The following MTR variants were observed in gnomAD, a reference collection of about 807,000 sequenced individuals.
MTR encodes 5-methyltetrahydrofolate-homocysteine methyltransferase, also known as methionine synthase.
Under a neutral mutation model 154.8 loss-of-function variants are expected in MTR, and 84 were observed. That is an observed-to-expected ratio of 0.54 (90% confidence interval 0.45 to 0.65). The LOEUF is 0.65. Among genes scored for constraint, MTR ranks in the 30% least tolerant of loss-of-function variants. The pLI, the probability that MTR is intolerant of heterozygous loss-of-function variation, is 0.00. For missense variants in MTR, 1,275 were observed against 1,570.2 expected (o/e 0.81, Z 3.18); for synonymous variants, 554 against 553.9 (o/e 1.00, Z 0.00).
At chr1:236,881,205 A>G (rs1665714565) in intron 25 of MTR, among the ~76,000 whole-genome samples, 1 of 152,184 alleles carries the variant, frequency 6.6e-6, no homozygotes, top group Admixed American at 6.5e-5. Context: ...AGATAGAAAA[A>G]CAAACTCAAA....
At chr1:236,799,514 T>C (rs955565555) in intron 1 of MTR, among the ~76,000 whole-genome samples, 6 of 152,208 alleles carry the variant, frequency 3.9e-5, no homozygotes, top group African/African-American at 1.4e-4. Context: ...CCTTTTTATC[T>C]GTATTTTCTA....
rs766303456 is a variant in MTR at position 236,803,445 on chromosome 1, C to T, written c.52C>T (p.Leu18=). ...CTTTAAAGAAGGTCTGAAGAAAACCCTGCGGGATGAGATCAATGCCATTCT... is the reference window on the plus strand; with the variant it reads ...CTTTAAAGAAGGTCTGAAGAAAACCTTGCGGGATGAGATCAATGCCATTCT... The part of the protein sequence containing the change: ...LSQPEGLKKT[L]RDEINAILQK... Residue 18 remains leucine, a synonymous_variant, in exon 2 of 33, where the codon CTG becomes TTG. Coordinates refer to ENST00000366577, the MANE Select transcript of MTR (RefSeq NM_000254.3). The T allele has an allele frequency of 6.2e-7, 1 of 1,614,114 alleles. No individual in the cohort carries two copies. The highest frequency in any genetic ancestry group is 8.5e-7 in the Non-Finnish European group (1 of 1,180,000).
At chr1:236,879,928 T>C (rs1242931295) in intron 24 of MTR, among the ~76,000 whole-genome samples, 1 of 151,506 alleles carries the variant, frequency 6.6e-6, no homozygotes, top group East Asian at 1.9e-4. Context: ...CCGAGGCAGG[T>C]GGATCACTAG....
intron 30 of MTR, chr1:236,895,140 C>T (rs1666550691): frequency 1.1e-5 from 7 of 610,300 alleles, no homozygotes; most frequent in Non-Finnish European, 2.1e-5. Context: ...TATGGTCCTT[C>T]AGAGCTCAGG....
rs1051381556 is a variant in MTR at position 236,820,186 on chromosome 1, A to T, written c.764+3643A>T. The T allele has an allele frequency of 1.0e-5, 8 of 762,036 alleles. 1 individual carries two copies. Among genetic ancestry groups the T allele is most frequent in the African/African-American group, 8.4e-5 (5 of 59,180 alleles). The allele number at this position is 762,036 out of a possible 1,614,324, so 47.2% of individuals were successfully genotyped here. On this transcript the variant is annotated intron_variant, in intron 8 of 32. Transcript: ENST00000366577. ...GATGCTGGCCTGAGAAGTTCTGCAC[A>T]TGCGTGGCACCATTTCCTGTGAACA...
At chr1:236,863,419 C>A in intron 21 of MTR, 35 bp from the exon 22 acceptor site, 1 of 1,580,538 alleles carries the variant, frequency 6.3e-7, no homozygotes. Context: ...CCCTAAACAA[C>A]CCTGCCTTGC....
At chr1:236,885,078 T>C in intron 25 of MTR, 43 bp from the exon 26 acceptor site, 1 of 1,271,504 alleles carries the variant, frequency 7.9e-7, no homozygotes, top group Non-Finnish European at 1.2e-6. Flanking sequence ...ACTACACCAG[T>C]TTTATCATCT....
At chr1:236,806,256 T>C in intron 3 of MTR, 23 bp downstream of exon 3, 1 of 1,584,248 alleles carries the variant, frequency 6.3e-7, no homozygotes. Flanking sequence ...TTGTTCCATG[T>C]GTCTAAGATG....
intron 8 of MTR, chr1:236,819,994 G>C (rs1474791483): frequency 8.9e-7 from 1 of 1,123,018 alleles, no homozygotes; most frequent in East Asian, 2.3e-5. Flanking sequence ...CGGGAGCCAT[G>C]GCTTCTTGTG....
At chr1:236,812,620 A>C (rs1661369446) in intron 5 of MTR, 118 bp from the exon 6 acceptor site, 2 of 818,926 alleles carry the variant, frequency 2.4e-6, no homozygotes, top group Non-Finnish European at 4.3e-6. Flanking sequence ...TCATGTTCTT[A>C]AACTATGCAT....
intron 22 of MTR, among the ~76,000 whole-genome samples, chr1:236,865,857 A>G (rs970575303): frequency 1.4e-5 from 2 of 147,006 alleles, no homozygotes; most frequent in South Asian, 2.2e-4. Flanking sequence ...CTTCCTTTTC[A>G]TGGTTTTGAT....
Position 236,899,934 on chromosome 1 carries a change from G to C in MTR, c.*2290G>C, listed in dbSNP as rs141401414. On this transcript the variant is annotated 3_prime_UTR_variant, in exon 33 of 33. Transcript: ENST00000366577. ...GCAAAGGTTGGGTCTGACAGTACCA[G>C]TTGTTAGATCTGTAGGGACTTGTAC... 2 of 165,250 alleles carry C rather than the reference G, an allele frequency of 1.2e-5. No homozygotes were observed. Among genetic ancestry groups the C allele is most frequent in the East Asian group, 3.6e-4 (2 of 5,598 alleles). The allele number at this position is 165,250 out of a possible 1,614,324, so 10.2% of individuals were successfully genotyped here. A position where few individuals can be genotyped will look rare whatever the true frequency, so the allele number is the denominator to read the frequency against.
In MTR at chr1:236,795,593, C is replaced by T. The variant is rs113809927; in HGVS notation, c.-111C>T. ...ACGGGAGGCGTCAAAAGACCCGGGCCTTGTGTGGCAGGCTCGCCTGGCGCT... is the reference window on the plus strand; with the variant it reads ...ACGGGAGGCGTCAAAAGACCCGGGCTTTGTGTGGCAGGCTCGCCTGGCGCT... On this transcript the variant is annotated 5_prime_UTR_variant, in exon 1 of 33. Transcript: ENST00000366577. The T allele has an allele frequency of 1.4e-3, 2,289 of 1,596,028 alleles. 32 individuals carry two copies. In the African/African-American group the frequency reaches 0.027, roughly 19 times the overall value.
At chr1:236,882,859 C>T (rs538567837) in intron 25 of MTR, among the ~76,000 whole-genome samples, 15 of 152,324 alleles carry the variant, frequency 9.8e-5, no homozygotes, top group African/African-American at 3.4e-4. Flanking sequence ...ATTGCTAAAA[C>T]ATAAGTCAGA....
At chr1:236,821,066 A>G (rs997179765) in intron 8 of MTR, among the ~76,000 whole-genome samples, 12 of 152,252 alleles carry the variant, frequency 7.9e-5, no homozygotes, top group South Asian at 6.2e-4. Context: ...TTCTATCGCT[A>G]TAACAGAATA....
chr1:236,824,199 T>G lies in MTR; in HGVS notation c.845T>G (p.Val282Gly). 1 of 1,613,806 alleles carries G rather than the reference T, an allele frequency of 6.2e-7. No individual in the cohort carries two copies. Among genetic ancestry groups the G allele is most frequent in the East Asian group, 2.2e-5 (1 of 44,882 alleles). Residue 282 changes from valine to glycine, a missense_variant, in exon 9 of 33, where the codon GTC (valine) becomes GGC (glycine). By Grantham distance (109) the Val-to-Gly change is moderately radical (BLOSUM62 -3). Transcript: ENST00000366577. ...EIIGKCTTAY[V>G]LCYPNAGLPN... The stretch of plus-strand genomic sequence containing the variant: ...ATTGGAAAATGTACAACAGCCTATG[T>G]CCTCTGTTATCCCAATGCAGGTGTG...
At chr1:236,812,350 C>A (rs539951420) in intron 5 of MTR, among the ~76,000 whole-genome samples, 24 of 152,390 alleles carry the variant, frequency 1.6e-4, no homozygotes, top group African/African-American at 5.5e-4. Flanking sequence ...CAACCTGTGA[C>A]CTCTCTGCAT....
Position 236,803,565 on chromosome 1 carries a change from G to T in MTR, c.172G>T (p.Asp58Tyr). 1 of 1,614,174 alleles carries T rather than the reference G, an allele frequency of 6.2e-7. No homozygotes were observed. The highest frequency in any genetic ancestry group is 1.1e-5 in the South Asian group (1 of 91,080). Residue 58 changes from aspartate to tyrosine, a missense_variant, in exon 2 of 33, where the codon GAT (aspartate) becomes TAT (tyrosine). By Grantham distance (160) the Asp-to-Tyr change is radical. Transcript: ENST00000366577. ...EEHFRGQEFKDHARPLKGNND... is the reference protein window; with the variant it reads ...EEHFRGQEFKYHARPLKGNND... Reference sequence around the variant, plus strand: ...ACACTTCCGAGGTCAGGAATTTAAAGATCATGCCAGGCCGCTGAAAGGCAA... The same window carrying T: ...ACACTTCCGAGGTCAGGAATTTAAATATCATGCCAGGCCGCTGAAAGGCAA...
chr1:236,851,607 TC>T lies in MTR; in HGVS notation c.1696-912del, dbSNP rs1465241749. Among the ~76,000 whole-genome samples the T allele has an allele frequency of 2.6e-5, 4 of 152,336 alleles. No homozygotes were observed. The East Asian group carries it at 7.7e-4, about 29-fold the overall frequency. ...TCATAGGAACCTAGCCCTGTATTTC[TC>T]CTAGGAGCAATGCTCTGGTATTCCC... On this transcript the variant is annotated intron_variant, in intron 16 of 32. Coordinates refer to ENST00000366577, the MANE Select transcript of MTR (RefSeq NM_000254.3).
Sources: allele counts gnomAD v4.1 joint callset (sites outside exome capture counted in the v4.1 genomes callset), GRCh38; gene constraint gnomAD v4.1.1; transcripts MANE v1.5; gene names NCBI Gene and HGNC (gene_info 2026-07-23, HGNC 2026-07-21).